The following TTC27 variants were observed in gnomAD, a reference collection of about 807,000 sequenced individuals.
TTC27 encodes the protein tetratricopeptide repeat domain 27.
Under a neutral mutation model 115.9 loss-of-function variants are expected in TTC27, and 79 were observed. The observed-to-expected ratio is 0.68, with a 90% CI of 0.57 to 0.82. TTC27 has a LOEUF of 0.82. TTC27 is among the 40% of genes least tolerant of loss of function. The pLI, the probability that TTC27 is intolerant of heterozygous loss-of-function variation, is 0.00. For missense variants in TTC27, 1,054 were observed against 993.1 expected (o/e 1.06, Z -0.82); for synonymous variants, 401 against 356.0 (o/e 1.13, Z -1.42).
intron 16 of TTC27, among the ~76,000 whole-genome samples, chr2:32,810,481 T>C (rs1429959419): frequency 1.3e-5 from 2 of 152,156 alleles, no homozygotes; most frequent in East Asian, 1.9e-4. Flanking sequence ...ATAATCTAGG[T>C]TGATGCTCAG....
At chr2:32,804,492 G>C (rs1035290923) in intron 16 of TTC27, among the ~76,000 whole-genome samples, 9 of 152,140 alleles carry the variant, frequency 5.9e-5, no homozygotes, top group African/African-American at 2.2e-4. Context: ...TTGCTAAATA[G>C]ATTATGGTCT....
At chr2:32,637,495 C>A (rs1664473523) in intron 3 of TTC27, among the ~76,000 whole-genome samples, 1 of 152,012 alleles carries the variant, frequency 6.6e-6, no homozygotes, top group African/African-American at 2.4e-5. Flanking sequence ...CCGTGCCTGG[C>A]TAATTTTTGT....
chr2:32,761,839 C>G (rs550629854), intron 13 of TTC27, among the ~76,000 whole-genome samples: 1 of 152,152 alleles, frequency 6.6e-6, no homozygotes, highest in African/African-American at 2.4e-5. Flanking sequence ...GAATGTAAGG[C>G]CTATTAAAGT....
chr2:32,819,525 T>C (rs371301270), intron 19 of TTC27, among the ~76,000 whole-genome samples: 27 of 152,238 alleles, frequency 1.8e-4, no homozygotes, highest in African/African-American at 6.0e-4. Context: ...AGATTGAAAA[T>C]GAATGAGGAT....
chr2:32,666,537 C>A, intron 6 of TTC27, 98 bp from the exon 7 acceptor site: 1 of 1,262,864 alleles, frequency 7.9e-7, no homozygotes, highest in Non-Finnish European at 1.1e-6. Flanking sequence ...GGAGAAAATA[C>A]CTTGTAAACT....
chr2:32,633,128 C>T (rs370506146), intron 2 of TTC27, among the ~76,000 whole-genome samples: 4 of 152,116 alleles, frequency 2.6e-5, no homozygotes, highest in African/African-American at 9.7e-5. Context: ...AGTCAGTTTT[C>T]TATACATCTT....
At chr2:32,713,533 C>A (rs773958546) in intron 10 of TTC27, among the ~76,000 whole-genome samples, 12 of 152,050 alleles carry the variant, frequency 7.9e-5, no homozygotes, top group Admixed American at 1.3e-4. Context: ...TAATTTAAGT[C>A]GTGAAGTTCT....
In TTC27 at chr2:32,628,087, G is replaced by C; in HGVS notation, c.-206G>C. ...GGAAGCCAGACCAGAGAGCGTGCGT[G>C]TTTTTCCCAGGGTGCCCCGCGCTGC... On this transcript the variant is annotated 5_prime_UTR_variant, in exon 1 of 20. Coordinates refer to ENST00000317907, the MANE Select transcript of TTC27 (RefSeq NM_017735.5). The C allele has an allele frequency of 1.8e-6, 1 of 555,096 alleles. No homozygotes were observed. The allele number at this position is 555,096 out of a possible 1,614,324, so 34.4% of individuals were successfully genotyped here. A position where few individuals can be genotyped will look rare whatever the true frequency, so the allele number is the denominator to read the frequency against.
intron 16 of TTC27, among the ~76,000 whole-genome samples, chr2:32,796,162 C>T (rs1328770759): frequency 2.0e-5 from 3 of 152,058 alleles, no homozygotes; most frequent in East Asian, 1.9e-4. Flanking sequence ...TGTACACTAA[C>T]AGTGAACAAT....
rs567737655 is a variant in TTC27, at chr2:32,812,207, T to C, written c.2197-297T>C. ...TCTCTAAACAGGTTTTTTAAACTGATGGCTACAAATGCTGAGAAAATCTGT... is the reference window on the plus strand; with the variant it reads ...TCTCTAAACAGGTTTTTTAAACTGACGGCTACAAATGCTGAGAAAATCTGT... On this transcript the variant is annotated intron_variant, in intron 17 of 19. Coordinates refer to ENST00000317907, the MANE Select transcript of TTC27 (RefSeq NM_017735.5). Among the ~76,000 whole-genome samples the C allele has an allele frequency of 2.6e-5, 4 of 152,350 alleles. No homozygotes were observed. The East Asian group carries it at 7.7e-4, about 29-fold the overall frequency.
intron 4 of TTC27, 54 bp from the exon 5 acceptor site, chr2:32,650,077 A>G: frequency 6.9e-7 from 1 of 1,440,096 alleles, no homozygotes; most frequent in Non-Finnish European, 9.6e-7. Context: ...GTTAATGTAA[A>G]AAGAGTTTTC....
intron 10 of TTC27, among the ~76,000 whole-genome samples, chr2:32,732,155 T>C (rs1408100203): frequency 6.6e-6 from 1 of 152,224 alleles, no homozygotes; most frequent in Non-Finnish European, 1.5e-5. Flanking sequence ...TATTTATGTA[T>C]TGTAACCATA....
chr2:32,674,435 G>A (rs1476434618), intron 8 of TTC27, among the ~76,000 whole-genome samples: 2 of 152,120 alleles, frequency 1.3e-5, no homozygotes, highest in East Asian at 3.9e-4. Context: ...ATGAGGGTGA[G>A]CCACCGTGCC....
chr2:32,700,842 A>G (rs1207398197), intron 9 of TTC27, among the ~76,000 whole-genome samples: 2 of 152,212 alleles, frequency 1.3e-5, no homozygotes, highest in Non-Finnish European at 2.9e-5. Flanking sequence ...GCCCTGCCTG[A>G]AAAGTCTTGA....
chr2:32,744,448 TC>T (rs1269712384), intron 12 of TTC27, among the ~76,000 whole-genome samples: 1 of 152,260 alleles, frequency 6.6e-6, no homozygotes, highest in African/African-American at 2.4e-5. Flanking sequence ...CAGCAATTTT[TC>T]TGTTTTTGGA....
At position 32,630,645 on chromosome 2, in the gene TTC27, G is replaced by A. The variant is rs747103275; in HGVS notation, c.211G>A (p.Glu71Lys). 10 of 1,613,538 alleles carry A rather than the reference G, an allele frequency of 6.2e-6. No individual in the cohort carries two copies. Among genetic ancestry groups the A allele is most frequent in the Non-Finnish European group, 8.5e-6 (10 of 1,179,846 alleles). Residue 71 changes from glutamate to lysine, a missense_variant, in exon 2 of 20, where the codon GAG becomes AAG. By Grantham distance (56) the Glu-to-Lys change is moderately conservative. Coordinates refer to ENST00000317907, the MANE Select transcript of TTC27 (RefSeq NM_017735.5). ...TGAAGAAAAGATTGATAGCTACCTG[G>A]AGAAGCAGGTAGTAACATTCCTGGA... ...TAEEKIDSYL[E>K]KQVVTFLDYS...
chr2:32,761,784 A>G (rs1669445343), intron 13 of TTC27, among the ~76,000 whole-genome samples: 1 of 152,094 alleles, frequency 6.6e-6, no homozygotes, highest in African/African-American at 2.4e-5. Flanking sequence ...CGTAGCACTT[A>G]TGTATAGCTT....
intron 5 of TTC27, among the ~76,000 whole-genome samples, chr2:32,658,462 A>G (rs963639837): frequency 1.3e-5 from 2 of 152,194 alleles, no homozygotes; most frequent in Admixed American, 1.3e-4. Context: ...TCAGCCTCCA[A>G]TACATCATTG....
At chr2:32,715,210 T>C (rs751999883) in intron 10 of TTC27, among the ~76,000 whole-genome samples, 1 of 152,212 alleles carries the variant, frequency 6.6e-6, no homozygotes, top group Non-Finnish European at 1.5e-5. Flanking sequence ...TTTTTGGTTT[T>C]ACATTTAAGT....
Sources: allele counts gnomAD v4.1 joint callset (sites outside exome capture counted in the v4.1 genomes callset), GRCh38; gene constraint gnomAD v4.1.1; transcripts MANE v1.5; gene names NCBI Gene and HGNC (gene_info 2026-07-23, HGNC 2026-07-21).